GALNT18: variants seen among roughly 807,000 people sequenced by gnomAD.
The protein encoded by GALNT18 is polypeptide N-acetylgalactosaminyltransferase 18.
GALNT18 carries 44 observed loss-of-function variants against 69.5 expected under a neutral mutation model. The observed-to-expected ratio is 0.63, with a 90% CI of 0.50 to 0.81. The LOEUF is 0.81. Among genes scored for constraint, GALNT18 ranks in the 40% least tolerant of loss-of-function variants. The pLI, the probability that GALNT18 is intolerant of heterozygous loss-of-function variation, is 0.00. For synonymous variants in GALNT18, 364 were observed against 318.2 expected (o/e 1.14, Z -1.53); for missense variants, 715 against 810.0 (o/e 0.88, Z 1.42).
At position 11,271,152 on chromosome 11, in the gene GALNT18, C is replaced by T. The variant is rs748319190; in HGVS notation, c.1816G>A (p.Ala606Thr). The change falls in exon 11 of 11, where the codon GCG becomes ACG. Residue 606 changes from alanine to threonine, a missense_variant. Physicochemically the swap from Ala to Thr is moderately conservative, Grantham distance 58. Transcript: ENST00000227756. ...WSITNVLRSL[A>T]S ...GAAGTGGCCCCGGTGGGTCAGGACG[C>T]GAGGCTCCTCAGGACGTTGGTGATG... The T allele has an allele frequency of 5.0e-6, 8 of 1,611,334 alleles. No homozygotes were observed. Among genetic ancestry groups the T allele is most frequent in the Middle Eastern group, 1.7e-4 (1 of 6,030 alleles).
At chr11:11,406,664 G>A (rs369994653) in intron 3 of GALNT18, among the ~76,000 whole-genome samples, 53 of 152,336 alleles carry the variant, frequency 3.5e-4, no homozygotes, top group African/African-American at 1.2e-3. Flanking sequence ...AGTCGGGGCA[G>A]TATACCAAAA....
At chr11:11,594,950 GTA>G (rs146059597) in intron 1 of GALNT18, among the ~76,000 whole-genome samples, 5,151 of 144,386 alleles carry the variant, frequency 0.036, 278 homozygotes, top group African/African-American at 0.12. Context: ...CTCCAAGAAT[GTA>G]TATGTGTATA....
chr11:11,505,431 G>A lies in GALNT18; in HGVS notation c.236-56495C>T, dbSNP rs1324908451. Among the ~76,000 whole-genome samples the A allele has an allele frequency of 6.6e-6, 1 of 152,144 alleles. No homozygotes were observed. Among genetic ancestry groups the A allele is most frequent in the Non-Finnish European group, 1.5e-5 (1 of 68,024 alleles). On this transcript the variant is annotated intron_variant, in intron 1 of 10. Transcript: ENST00000227756. This position sits in a 1 kb window ranked among gnomAD's most constrained non-coding sequence, Gnocchi z 4.6. ...AGCACTGACTCCTATGCCCACAGCA[G>A]ATCCAAGTAATCAATCACAGCACTC... is the stretch of plus-strand genomic sequence containing the variant.
chr11:11,524,875 T>C (rs1258169989), intron 1 of GALNT18, among the ~76,000 whole-genome samples: 2 of 152,168 alleles, frequency 1.3e-5, no homozygotes, highest in Non-Finnish European at 2.9e-5. Flanking sequence ...TCTTGAATCA[T>C]AGCTGGCAGA....
chr11:11,410,520 G>C (rs966616196), intron 3 of GALNT18, among the ~76,000 whole-genome samples: 1 of 152,148 alleles, frequency 6.6e-6, no homozygotes, highest in African/African-American at 2.4e-5. Flanking sequence ...GGGCACATCG[G>C]TGGTATTTTT....
intron 1 of GALNT18, among the ~76,000 whole-genome samples, chr11:11,512,328 G>T (rs947095032): frequency 1.3e-5 from 2 of 152,190 alleles, no homozygotes; most frequent in African/African-American, 4.8e-5. Flanking sequence ...ACAGCTGTCA[G>T]ACTCCGCCTG....
At chr11:11,289,306 T>C (rs929024080) in intron 10 of GALNT18, among the ~76,000 whole-genome samples, 8 of 152,200 alleles carry the variant, frequency 5.3e-5, no homozygotes, top group African/African-American at 1.9e-4. Context: ...AATTCAAAAA[T>C]AGTATTTCCA....
intron 1 of GALNT18, among the ~76,000 whole-genome samples, chr11:11,581,756 T>C (rs1370590602): frequency 6.6e-6 from 1 of 152,170 alleles, no homozygotes; most frequent in Non-Finnish European, 1.5e-5. Context: ...ATGTGGCTGC[T>C]GCATCTTTAG....
At chr11:11,379,402 G>T in intron 3 of GALNT18, 138 bp from the exon 4 acceptor site, 1 of 753,796 alleles carries the variant, frequency 1.3e-6, no homozygotes, top group Non-Finnish European at 2.1e-6. Context: ...CTTCTTCAGT[G>T]GTCCCCACAG....
Position 11,372,656 on chromosome 11 carries a change from G to T in GALNT18, c.978-27C>A. The T allele has an allele frequency of 6.4e-7, 1 of 1,567,888 alleles. No homozygotes were observed. The highest frequency in any genetic ancestry group is 8.8e-7 in the Non-Finnish European group (1 of 1,139,304). ...TGCAGGGGCAGGGGAGAGCAGAAGGGCTGTCTGGTGCAGCTGTCCGAGGAG... is the reference window on the plus strand; with the variant it reads ...TGCAGGGGCAGGGGAGAGCAGAAGGTCTGTCTGGTGCAGCTGTCCGAGGAG... On this transcript the variant is annotated intron_variant, in intron 5 of 10. Coordinates refer to ENST00000227756, the MANE Select transcript of GALNT18 (RefSeq NM_198516.3). The surrounding 1 kb of genome is among the most constrained non-coding windows in gnomAD (Gnocchi z 4.9).
At position 11,561,242 on chromosome 11, in the gene GALNT18, C is replaced by A. The variant is rs182592278; in HGVS notation, c.235+60117G>T. Among the ~76,000 whole-genome samples, 3 of 152,264 alleles carry A rather than the reference C, an allele frequency of 2.0e-5. No homozygotes were observed. In the East Asian group the frequency reaches 5.8e-4, roughly 29 times the overall value. ...GGAAATAAACTCCCTCTGAGCCTAG[C>A]CACCTTCTCTTAATAGAAATCCAGG... is the stretch of plus-strand genomic sequence containing the variant. On this transcript the variant is annotated intron_variant, in intron 1 of 10. Transcript: ENST00000227756.
At chr11:11,394,805 C>T (rs1364996424) in intron 3 of GALNT18, among the ~76,000 whole-genome samples, 1 of 152,216 alleles carries the variant, frequency 6.6e-6, no homozygotes, top group South Asian at 2.1e-4. Flanking sequence ...TGATCCCTTC[C>T]TGACTACATC....
intron 10 of GALNT18, among the ~76,000 whole-genome samples, chr11:11,288,273 C>T (rs1590010785): frequency 6.6e-6 from 1 of 152,282 alleles, no homozygotes; most frequent in Non-Finnish European, 1.5e-5. Context: ...AAATTCTGCA[C>T]ACAACAGACA....
At chr11:11,414,868 A>G (rs770397118) in intron 3 of GALNT18, among the ~76,000 whole-genome samples, 2 of 152,224 alleles carry the variant, frequency 1.3e-5, no homozygotes, top group Non-Finnish European at 2.9e-5. Flanking sequence ...TCAGAAGTCC[A>G]GGTACAATGA....
rs1292649334 is a variant in GALNT18 at position 11,270,951 on chromosome 11, G to A, written c.*193C>T. 4 of 486,014 alleles carry A rather than the reference G, an allele frequency of 8.2e-6. No homozygotes were observed. Among genetic ancestry groups the A allele is most frequent in the African/African-American group, 1.9e-5 (1 of 52,746 alleles). The allele number at this position is 486,014 out of a possible 1,614,324, so 30.1% of individuals were successfully genotyped here. On this transcript the variant is annotated 3_prime_UTR_variant, in exon 11 of 11. Transcript: ENST00000227756. The stretch of plus-strand genomic sequence containing the variant: ...CCTATTTACAACTGCAAAATAGTTT[G>A]ATATCATACCATCACCTACCAATCA...
At chr11:11,581,222 T>G (rs1349459342) in intron 1 of GALNT18, among the ~76,000 whole-genome samples, 4 of 152,162 alleles carry the variant, frequency 2.6e-5, no homozygotes, top group African/African-American at 7.2e-5. Context: ...CTGTCCATGC[T>G]GGTGTTGATG....
Position 11,598,591 on chromosome 11 carries a change from C to T in GALNT18, c.235+22768G>A, listed in dbSNP as rs1161619484. Among the ~76,000 whole-genome samples the T allele has an allele frequency of 6.6e-6, 1 of 152,206 alleles. No individual in the cohort carries two copies. The highest frequency in any genetic ancestry group is 1.5e-5 in the Non-Finnish European group (1 of 68,032). ...TCATCTCAAAACCTTAACTAATTCA[C>T]ATTTGCAAAGAGTCTTTTTTCAAAT... On this transcript the variant is annotated intron_variant, in intron 1 of 10. Transcript: ENST00000227756. The surrounding 1 kb of genome is among the most constrained non-coding windows in gnomAD (Gnocchi z 4.8).
At chr11:11,574,634 T>G (rs1014029871) in intron 1 of GALNT18, among the ~76,000 whole-genome samples, 1 of 152,164 alleles carries the variant, frequency 6.6e-6, no homozygotes, top group Non-Finnish European at 1.5e-5. Context: ...ATCATGAAAG[T>G]CCATCTACCA....
intron 1 of GALNT18, among the ~76,000 whole-genome samples, chr11:11,486,734 C>T (rs1856653872): frequency 6.6e-6 from 1 of 152,216 alleles, no homozygotes; most frequent in Admixed American, 6.5e-5. Context: ...TGCTCTGCTA[C>T]CAGGACCCTC....
Sources: gnomAD v4.1 joint callset for allele counts (sites outside exome capture counted in the v4.1 genomes callset) on GRCh38, gnomAD v4.1.1 for gene constraint, Gnocchi (gnomAD v3.1) non-coding constraint, MANE v1.5 for transcripts, NCBI Gene and HGNC (gene_info 2026-07-23, HGNC 2026-07-21) for gene names.